Variants in ATF7 observed in about 807,000 individuals in gnomAD.
ATF7 encodes the protein activating transcription factor 7, also known as cyclic AMP-dependent transcription factor ATF-7.
A neutral mutation model predicts 50.4 loss-of-function variants in ATF7; 10 were observed. That is an observed-to-expected ratio of 0.20 (90% CI 0.12 to 0.34). The LOEUF (loss-of-function observed/expected upper bound fraction) is 0.34, where lower values mean the gene tolerates loss of function less well. Ranked by LOEUF, ATF7 falls within the 10% of genes least tolerant of loss-of-function variation. The pLI, the probability that ATF7 is intolerant of heterozygous loss-of-function variation, is 1.00. For missense variants in ATF7, 465 were observed against 613.9 expected (o/e 0.76, Z 2.56); for synonymous variants, 201 against 226.4 (o/e 0.89, Z 1.01).
At chr12:53,521,591 A>C (rs1010608197) in intron 11 of ATF7, among the ~76,000 whole-genome samples, 1 of 152,222 alleles carries the variant, frequency 6.6e-6, no homozygotes, top group Non-Finnish European at 1.5e-5. Context: ...AAAGCCACCT[A>C]ATCTAAAATT....
At chr12:53,561,950 C>T (rs937518890) in intron 2 of ATF7, among the ~76,000 whole-genome samples, 4 of 152,020 alleles carry the variant, frequency 2.6e-5, no homozygotes, top group African/African-American at 9.7e-5. Context: ...AAAATGTTGT[C>T]AGGGGAATGA....
At chr12:53,581,601 A>C (rs1942428253) in intron 2 of ATF7, among the ~76,000 whole-genome samples, 1 of 152,200 alleles carries the variant, frequency 6.6e-6, no homozygotes, top group Non-Finnish European at 1.5e-5. Context: ...ATGAAGCAAA[A>C]AAGAAATCTC....
chr12:53,579,157 T>A (rs1436747995), intron 2 of ATF7, among the ~76,000 whole-genome samples: 2 of 151,950 alleles, frequency 1.3e-5, no homozygotes, highest in Non-Finnish European at 2.9e-5. Flanking sequence ...GGCACAAGAA[T>A]CACTTGAACC....
chr12:53,595,652 G>A (rs1017388457), intron 2 of ATF7, among the ~76,000 whole-genome samples: 3 of 152,154 alleles, frequency 2.0e-5, no homozygotes, highest in Non-Finnish European at 4.4e-5. Flanking sequence ...GCAATAAACA[G>A]CTTTGGAGGT....
chr12:53,526,298 G>A (rs1938466706), intron 9 of ATF7, among the ~76,000 whole-genome samples: 1 of 120,412 alleles, frequency 8.3e-6, no homozygotes, highest in Non-Finnish European at 1.9e-5. Context: ...TGCTACCCCT[G>A]AGACAGCAAG....
chr12:53,510,286 G>T (rs1210515403), downstream of ATF7, among the ~76,000 whole-genome samples: 2 of 152,154 alleles, frequency 1.3e-5, no homozygotes, highest in Non-Finnish European at 2.9e-5. Context: ...TGATCCGCCC[G>T]CCTGGGACTC....
intron 11 of ATF7, among the ~76,000 whole-genome samples, chr12:53,520,786 C>CTTTGGTTTCTTT (rs1021236690): frequency 2.0e-5 from 3 of 152,078 alleles, no homozygotes; most frequent in African/African-American, 7.2e-5. Context: ...AAGCCAGAAA[C>CTTTGGTTTCTTT]TTTGGTGTAA....
At chr12:53,613,913 A>G (rs1944002500) in intron 1 of ATF7, among the ~76,000 whole-genome samples, 1 of 151,758 alleles carries the variant, frequency 6.6e-6, no homozygotes, top group Admixed American at 6.6e-5. Context: ...CAAGCAGTAG[A>G]GGGCCCTAGA....
intron 2 of ATF7, among the ~76,000 whole-genome samples, chr12:53,576,847 G>C (rs1160214318): frequency 6.6e-6 from 1 of 152,106 alleles, no homozygotes; most frequent in African/African-American, 2.4e-5. Flanking sequence ...TTGAGGTCAG[G>C]AGTTAAAGAC....
intron 11 of ATF7, among the ~76,000 whole-genome samples, chr12:53,522,862 G>A (rs569192060): frequency 1.5e-4 from 23 of 152,290 alleles, no homozygotes; most frequent in African/African-American, 5.1e-4. Context: ...GCAAGACTCC[G>A]TCTCAAACAA....
At chr12:53,560,447 T>A (rs1941035547) in intron 2 of ATF7, among the ~76,000 whole-genome samples, 2 of 152,042 alleles carry the variant, frequency 1.3e-5, no homozygotes, top group South Asian at 2.1e-4. Flanking sequence ...AAAACTAAAT[T>A]TTTGGCTTTT....
At chr12:53,599,179 G>A (rs904680347) in intron 2 of ATF7, among the ~76,000 whole-genome samples, 4 of 152,024 alleles carry the variant, frequency 2.6e-5, no homozygotes, top group African/African-American at 9.7e-5. Context: ...GACTACAGGC[G>A]TGTGCCACCA....
chr12:53,573,391 C>T (rs927469935), intron 2 of ATF7, among the ~76,000 whole-genome samples: 1 of 152,136 alleles, frequency 6.6e-6, no homozygotes, highest in Non-Finnish European at 1.5e-5. Context: ...TGTGCATATC[C>T]TCCTATATAC....
chr12:53,595,261 C>A (rs1490234466), intron 2 of ATF7, among the ~76,000 whole-genome samples: 1 of 152,212 alleles, frequency 6.6e-6, no homozygotes, highest in Non-Finnish European at 1.5e-5. Context: ...GCATATACTA[C>A]CACAAATGGC....
At chr12:53,594,017 G>A (rs1396882221) in intron 2 of ATF7, among the ~76,000 whole-genome samples, 1 of 152,198 alleles carries the variant, frequency 6.6e-6, no homozygotes, top group Non-Finnish European at 1.5e-5. Context: ...TGCTGCATTC[G>A]CTGGAAGACT....
At chr12:53,523,838 G>C (rs1470046771) in intron 10 of ATF7, among the ~76,000 whole-genome samples, 1 of 151,900 alleles carries the variant, frequency 6.6e-6, no homozygotes, top group Non-Finnish European at 1.5e-5. Flanking sequence ...AAAAGAATGA[G>C]GTAGATCTCC....
chr12:53,559,678 CAAAA>C (rs34508161), intron 2 of ATF7, among the ~76,000 whole-genome samples: 1 of 85,194 alleles, frequency 1.2e-5, no homozygotes. Context: ...GACTCCATCT[CAAAA>C]AAAAAAAAAA....
chr12:53,570,496 C>G (rs755551272), intron 2 of ATF7, among the ~76,000 whole-genome samples: 1 of 152,140 alleles, frequency 6.6e-6, no homozygotes, highest in Non-Finnish European at 1.5e-5. Context: ...GTATAGTAGG[C>G]CGGTAATGCC....
chr12:53,619,753 A>G (rs1009002247), intron 1 of ATF7, among the ~76,000 whole-genome samples: 2 of 152,008 alleles, frequency 1.3e-5, no homozygotes, highest in African/African-American at 4.8e-5. Context: ...CAGAGACTGC[A>G]GTGAGCCAAG....
Sources: allele counts gnomAD v4.1 joint callset (sites outside exome capture counted in the v4.1 genomes callset), GRCh38; gene constraint gnomAD v4.1.1; transcripts MANE v1.5; gene names NCBI Gene and HGNC (gene_info 2026-07-23, HGNC 2026-07-21).